Variants in RPS6KA5 observed in about 807,000 individuals in gnomAD.
RPS6KA5 encodes ribosomal protein S6 kinase A5, also known as ribosomal protein S6 kinase alpha-5.
In RPS6KA5, 27 loss-of-function variants were observed where a neutral mutation model predicts 85.5. The ratio of observed to expected loss-of-function variants is 0.32; its 90% CI spans 0.23 to 0.44. RPS6KA5 has a LOEUF of 0.44. Ranked by LOEUF, RPS6KA5 falls within the 20% of genes least tolerant of loss-of-function variation. The pLI, the probability that RPS6KA5 is intolerant of heterozygous loss-of-function variation, is 1.00. For missense variants in RPS6KA5, 811 were observed against 980.9 expected (o/e 0.83, Z 2.31); for synonymous variants, 334 against 348.2 (o/e 0.96, Z 0.46).
chr14:90,878,329 C>T (rs1224391135), intron 14 of RPS6KA5, among the ~76,000 whole-genome samples: 1 of 152,246 alleles, frequency 6.6e-6, no homozygotes, highest in Admixed American at 6.5e-5. Flanking sequence ...CAAATGACAG[C>T]TCTGATGAGT....
chr14:90,917,503 A>C (rs1466747746), intron 7 of RPS6KA5, among the ~76,000 whole-genome samples: 1 of 152,214 alleles, frequency 6.6e-6, no homozygotes, highest in East Asian at 1.9e-4. Context: ...CACAATCAAG[A>C]AACAAATATA....
At chr14:91,056,333 T>C (rs1030389950) in intron 1 of RPS6KA5, among the ~76,000 whole-genome samples, 1 of 152,196 alleles carries the variant, frequency 6.6e-6, no homozygotes, top group Non-Finnish European at 1.5e-5. Flanking sequence ...TCCCATCCCC[T>C]GGCTTTAGGT....
intron 7 of RPS6KA5, 84 bp downstream of exon 7, chr14:90,920,122 T>G: frequency 1.1e-6 from 1 of 889,134 alleles, no homozygotes; most frequent in Admixed American, 1.8e-5. Context: ...TTTAAAAAAT[T>G]ATCGTTTACA....
chr14:90,923,833 T>C (rs1292267497), intron 5 of RPS6KA5, among the ~76,000 whole-genome samples: 2 of 152,160 alleles, frequency 1.3e-5, no homozygotes, highest in Non-Finnish European at 2.9e-5. Flanking sequence ...TTCCTTTTTA[T>C]AGAATTTTAA....
chr14:91,048,678 C>G (rs773445030), intron 1 of RPS6KA5, among the ~76,000 whole-genome samples: 14 of 152,204 alleles, frequency 9.2e-5, no homozygotes, highest in Middle Eastern at 3.4e-3. Context: ...TTCATCTTCC[C>G]TGAAAAACAA....
chr14:90,924,194 A>G (rs1018474363), intron 5 of RPS6KA5, among the ~76,000 whole-genome samples: 2 of 152,146 alleles, frequency 1.3e-5, no homozygotes, highest in Admixed American at 6.5e-5. Flanking sequence ...ACATCTCTTA[A>G]TTCTCTCAAT....
chr14:91,056,577 A>G (rs1038323856), intron 1 of RPS6KA5, among the ~76,000 whole-genome samples: 6 of 152,200 alleles, frequency 3.9e-5, no homozygotes, highest in Non-Finnish European at 8.8e-5. Context: ...TGGACAAAAT[A>G]CAGACAATGC....
chr14:90,909,537 A>G (rs1158216350), intron 7 of RPS6KA5, among the ~76,000 whole-genome samples: 1 of 152,246 alleles, frequency 6.6e-6, no homozygotes, highest in Non-Finnish European at 1.5e-5. Flanking sequence ...CAAAAAAGCA[A>G]GAAATATGAA....
intron 14 of RPS6KA5, among the ~76,000 whole-genome samples, chr14:90,887,446 T>A (rs1019037046): frequency 2.6e-5 from 4 of 152,004 alleles, no homozygotes; most frequent in Admixed American, 2.6e-4. Flanking sequence ...TACCTTGGCC[T>A]CCCGAAGTGC....
chr14:91,060,568 G>T lies in RPS6KA5; in HGVS notation c.-134C>A. Reference sequence around the variant, plus strand: ...GGCTCCAGAACTCGGACGCAAAGACGAGTCTCTTTCCCGCTCTGGCCGCAC... The same window carrying T: ...GGCTCCAGAACTCGGACGCAAAGACTAGTCTCTTTCCCGCTCTGGCCGCAC... On this transcript the variant is annotated 5_prime_UTR_variant, in exon 1 of 17. Coordinates refer to ENST00000614987, the MANE Select transcript of RPS6KA5 (RefSeq NM_004755.4). 8.8e-7 allele frequency: 1 copy of T among 1,142,792 alleles called. No homozygotes were observed. The highest frequency in any genetic ancestry group is 1.1e-6 in the Non-Finnish European group (1 of 902,636). The allele number at this position is 1,142,792 out of a possible 1,614,324, so 70.8% of individuals were successfully genotyped here.
intron 2 of RPS6KA5, among the ~76,000 whole-genome samples, chr14:90,980,331 C>T (rs1358342517): frequency 6.6e-6 from 1 of 152,178 alleles, no homozygotes; most frequent in Non-Finnish European, 1.5e-5. Flanking sequence ...TTCTTGTTAT[C>T]CCAGGTTCCT....
At chr14:91,027,750 T>C (rs187885525) in intron 1 of RPS6KA5, among the ~76,000 whole-genome samples, 118 of 152,290 alleles carry the variant, frequency 7.7e-4, no homozygotes, top group African/African-American at 2.7e-3. Context: ...GTACTGCCAG[T>C]TGATGAAGTA....
intron 1 of RPS6KA5, among the ~76,000 whole-genome samples, chr14:91,031,135 T>C (rs1462943788): frequency 6.6e-6 from 1 of 152,078 alleles, no homozygotes. Flanking sequence ...TTTTAAAAAA[T>C]AGGTCACATA....
At chr14:90,902,527 G>A (rs1441511903) in intron 9 of RPS6KA5, among the ~76,000 whole-genome samples, 1 of 152,052 alleles carries the variant, frequency 6.6e-6, no homozygotes, top group African/African-American at 2.4e-5. Context: ...TAAAATAAAA[G>A]ATTATTGTAT....
In RPS6KA5 at chr14:90,849,143, G is replaced by A. The variant is rs1048264984; in HGVS notation, c.*22931C>T. 3 of 152,218 alleles carry A rather than the reference G, an allele frequency of 2.0e-5. No homozygotes were observed. The highest frequency in any genetic ancestry group is 4.8e-5 in the African/African-American group (2 of 41,460). The allele number at this position is 152,218 out of a possible 1,614,324, so 9.4% of individuals were successfully genotyped here. A position where few individuals can be genotyped will look rare whatever the true frequency, so the allele number is the denominator to read the frequency against. ...CTCAGTCGTAACCAGGAGAGCCCGC[G>A]CAGGCACCTTGGTGGTCTGAATCTA... On this transcript the variant is annotated 3_prime_UTR_variant, in exon 17 of 17. Transcript: ENST00000614987.
At chr14:90,964,740 T>C (rs1378289124) in intron 3 of RPS6KA5, among the ~76,000 whole-genome samples, 1 of 151,250 alleles carries the variant, frequency 6.6e-6, no homozygotes, top group Non-Finnish European at 1.5e-5. Context: ...ATAGTGAGGC[T>C]CTGACTTTGC....
Position 90,858,309 on chromosome 14 carries a change from T to C in RPS6KA5, c.*13765A>G, listed in dbSNP as rs1324725374. ...AAGCATCTGAATCATCAAAATCATC[T>C]ATTTCAGAAAAATCGAATTCATTAA... On this transcript the variant is annotated 3_prime_UTR_variant, in exon 17 of 17. Transcript: ENST00000614987. The C allele has an allele frequency of 6.6e-6, 1 of 152,178 alleles. No individual in the cohort carries two copies. Among genetic ancestry groups the C allele is most frequent in the Non-Finnish European group, 1.5e-5 (1 of 68,032 alleles). 9.4% of individuals were successfully genotyped at this position (152,178 alleles called of 1,614,324 possible). A position where few individuals can be genotyped will look rare whatever the true frequency, so the allele number is the denominator to read the frequency against.
intron 1 of RPS6KA5, among the ~76,000 whole-genome samples, chr14:91,029,956 T>C (rs2042120432): frequency 6.6e-6 from 1 of 152,128 alleles, no homozygotes; most frequent in Non-Finnish European, 1.5e-5. Context: ...AAGACATTTA[T>C]AACCCTAAGC....
intron 1 of RPS6KA5, among the ~76,000 whole-genome samples, chr14:91,036,407 A>C (rs894160043): frequency 6.6e-6 from 1 of 152,190 alleles, no homozygotes; most frequent in African/African-American, 2.4e-5. Context: ...TTACCACTCT[A>C]AGTCCTTTAT....
Sources: gnomAD v4.1 joint callset for allele counts (sites outside exome capture counted in the v4.1 genomes callset) on GRCh38, gnomAD v4.1.1 for gene constraint, MANE v1.5 for transcripts, NCBI Gene and HGNC (gene_info 2026-07-23, HGNC 2026-07-21) for gene names.